The following BCL7C variants were observed in gnomAD, a reference collection of about 807,000 sequenced individuals.
BCL7C encodes the protein BAF chromatin remodeling complex subunit BCL7C, also known as B-cell CLL/lymphoma 7 protein family member C.
BCL7C carries 8 observed loss-of-function variants against 26.2 expected under a neutral mutation model. That is an observed-to-expected ratio of 0.30 (90% CI 0.18 to 0.55). The LOEUF (loss-of-function observed/expected upper bound fraction) is 0.55, where lower values mean the gene tolerates loss of function less well. BCL7C is among the 20% of genes least tolerant of loss of function. The probability of loss-of-function intolerance (pLI) is 0.93; values close to 1 mark genes in which losing one functional copy is unlikely to be tolerated. For missense variants in BCL7C, 262 were observed against 298.5 expected (o/e 0.88, Z 0.90); for synonymous variants, 90 against 116.5 (o/e 0.77, Z 1.47).
rs546138103 is a variant in BCL7C at position 30,882,066 on chromosome 16, ATC to A, written c.528+6792_528+6793del. 4.2e-4 allele frequency among the ~76,000 whole-genome samples: 64 copies of A among 151,948 alleles called. No individual in the cohort carries two copies. The South Asian group carries it at 0.013, about 31-fold the overall frequency. On this transcript the variant is annotated intron_variant, in intron 5 of 5. Transcript: ENST00000380317. ...ACCTCCGCCTCCAGGGTTCAAGTGA[ATC>A]TCCCATCTCAGCCTCCCGAGTAGCT...
chr16:30,844,314 C>T (rs1463386793), intron 5 of BCL7C, among the ~76,000 whole-genome samples: 1 of 116,360 alleles, frequency 8.6e-6, no homozygotes, highest in African/African-American at 3.3e-5. Context: ...GGCACCAATG[C>T]ACTCCAGCCT....
chr16:30,846,199 AATTTATTTATTT>A (rs748604975), intron 5 of BCL7C, among the ~76,000 whole-genome samples: 137 of 131,452 alleles, frequency 1.0e-3, no homozygotes, highest in Middle Eastern at 3.5e-3. Flanking sequence ...CTAATTTTAA[AATTTATTTATTT>A]ATTTATTTAT....
At chr16:30,876,614 T>A (rs539944506) in intron 5 of BCL7C, among the ~76,000 whole-genome samples, 13 of 151,928 alleles carry the variant, frequency 8.6e-5, no homozygotes, top group Admixed American at 7.9e-4. Flanking sequence ...AGAGGAAGTA[T>A]AGTGACTAAC....
intron 4 of BCL7C, 138 bp downstream of exon 4, chr16:30,892,448 G>A (rs1596628867): frequency 5.6e-6 from 4 of 709,768 alleles, no homozygotes; most frequent in Non-Finnish European, 9.1e-6. Flanking sequence ...GTAGCTACAG[G>A]GAGATTCTGC....
chr16:30,867,168 A>C (rs1466406970), intron 5 of BCL7C, among the ~76,000 whole-genome samples: 1 of 152,178 alleles, frequency 6.6e-6, no homozygotes, highest in African/African-American at 2.4e-5. Flanking sequence ...AAGTTAATAG[A>C]TGGACAAAAA....
chr16:30,836,351 C>A (rs1331158284), intron 5 of BCL7C, among the ~76,000 whole-genome samples: 1 of 152,086 alleles, frequency 6.6e-6, no homozygotes, highest in East Asian at 1.9e-4. Context: ...GCCTGTAGTC[C>A]CAGCTACTGG....
At chr16:30,836,227 T>C (rs2054568512) in intron 5 of BCL7C, among the ~76,000 whole-genome samples, 1 of 152,096 alleles carries the variant, frequency 6.6e-6, no homozygotes, top group Admixed American at 6.6e-5. Flanking sequence ...GCACTCCAGC[T>C]TTGGTGACAG....
intron 5 of BCL7C, among the ~76,000 whole-genome samples, chr16:30,837,280 G>A (rs2054575941): frequency 6.6e-6 from 1 of 152,078 alleles, no homozygotes; most frequent in South Asian, 2.1e-4. Context: ...ATCAGGATGG[G>A]TCTATAGCAT....
At chr16:30,843,726 C>T (rs997908281) in intron 5 of BCL7C, among the ~76,000 whole-genome samples, 20 of 151,922 alleles carry the variant, frequency 1.3e-4, no homozygotes, top group African/African-American at 4.6e-4. Flanking sequence ...AGCCTTCTCT[C>T]GCTCCAGTCC....
downstream of BCL7C, among the ~76,000 whole-genome samples, chr16:30,884,230 G>T (rs182369014): frequency 3.5e-4 from 53 of 151,880 alleles, no homozygotes; most frequent in Admixed American, 3.3e-3. Context: ...AGAGAGTCAA[G>T]AATGGGGGAG....
At chr16:30,882,686 A>AGGAAG in intron 5 of BCL7C, among the ~76,000 whole-genome samples, 1 of 152,298 alleles carries the variant, frequency 6.6e-6, no homozygotes, top group South Asian at 2.1e-4. Flanking sequence ...TAGTAAGGAC[A>AGGAAG]GGAAGGTTCT....
intron 5 of BCL7C, among the ~76,000 whole-genome samples, chr16:30,845,817 G>C (rs1228974692): frequency 6.6e-6 from 1 of 151,604 alleles, no homozygotes; most frequent in Non-Finnish European, 1.5e-5. Context: ...GGGCTCAAGA[G>C]ATCCTTCAGC....
intron 5 of BCL7C, among the ~76,000 whole-genome samples, chr16:30,873,651 G>T (rs972062228): frequency 6.6e-6 from 1 of 151,722 alleles, no homozygotes; most frequent in Non-Finnish European, 1.5e-5. Flanking sequence ...AGGAGTTCCA[G>T]ACCAGCCTGG....
chr16:30,842,112 A>G (rs1434274750), intron 5 of BCL7C, among the ~76,000 whole-genome samples: 1 of 152,058 alleles, frequency 6.6e-6, no homozygotes, highest in Non-Finnish European at 1.5e-5. Flanking sequence ...GGTTACAGTA[A>G]TTGAGTTACA....
intron 5 of BCL7C, among the ~76,000 whole-genome samples, chr16:30,854,259 C>A (rs1363673829): frequency 6.6e-6 from 1 of 152,160 alleles, no homozygotes; most frequent in Admixed American, 6.6e-5. Flanking sequence ...CAACAATAAG[C>A]AAAATCTTGA....
chr16:30,868,706 T>C (rs1459826073), intron 5 of BCL7C, among the ~76,000 whole-genome samples: 1 of 151,554 alleles, frequency 6.6e-6, no homozygotes, highest in Non-Finnish European at 1.5e-5. Flanking sequence ...AATCTCTTGA[T>C]CCTGGGAGGT....
chr16:30,892,465 C>A (rs915895185), intron 4 of BCL7C, 121 bp downstream of exon 4: 1 of 934,594 alleles, frequency 1.1e-6, no homozygotes, highest in African/African-American at 1.7e-5. Flanking sequence ...CTGCAGGAGT[C>A]GGAAGGCGCC....
At chr16:30,867,372 T>C (rs1441181141) in intron 5 of BCL7C, among the ~76,000 whole-genome samples, 3 of 152,188 alleles carry the variant, frequency 2.0e-5, no homozygotes, top group Non-Finnish European at 4.4e-5. Context: ...ATTATTCTGA[T>C]GTCCTAAAAT....
At chr16:30,867,662 G>A (rs539421899) in intron 5 of BCL7C, among the ~76,000 whole-genome samples, 99 of 152,122 alleles carry the variant, frequency 6.5e-4, no homozygotes, top group African/African-American at 2.3e-3. Context: ...GCGTGGTGGC[G>A]CATGCCTGTA....
Sources: gnomAD v4.1 joint callset for allele counts (sites outside exome capture counted in the v4.1 genomes callset) on GRCh38, gnomAD v4.1.1 for gene constraint, MANE v1.5 for transcripts, NCBI Gene and HGNC (gene_info 2026-07-23, HGNC 2026-07-21) for gene names.